WDR20: variants seen among roughly 807,000 people sequenced by gnomAD.
The protein encoded by WDR20 is WD repeat domain 20, also known as WD repeat-containing protein 20.
A neutral mutation model predicts 38.7 loss-of-function variants in WDR20; 3 were observed. The ratio of observed to expected loss-of-function variants is 0.08; its 90% CI spans 0.04 to 0.20. WDR20 has a LOEUF of 0.20. Among genes scored for constraint, WDR20 ranks in the 10% least tolerant of loss-of-function variants. The pLI is 1.00. For synonymous variants in WDR20, 298 were observed against 285.6 expected, an observed-to-expected ratio of 1.04 and a Z score of -0.44; for missense variants, 559 against 727.7, an observed-to-expected ratio of 0.77 and a Z score of 2.67.
chr14:102,186,587 C>A (rs1393900027), intron 1 of WDR20, among the ~76,000 whole-genome samples: 1 of 152,008 alleles, frequency 6.6e-6, no homozygotes, highest in African/African-American at 2.4e-5. Context: ...TGTGGTCCAG[C>A]CCCAGGCCCT....
At chr14:102,158,279 C>A (rs2152756464) in intron 1 of WDR20, among the ~76,000 whole-genome samples, 1 of 152,242 alleles carries the variant, frequency 6.6e-6, no homozygotes, top group South Asian at 2.1e-4. Flanking sequence ...TTGCACCACA[C>A]TGACCCCACC....
intron 1 of WDR20, among the ~76,000 whole-genome samples, chr14:102,177,734 G>A (rs1002957): frequency 3.3e-5 from 5 of 152,154 alleles, no homozygotes; most frequent in African/African-American, 1.2e-4. Context: ...TCAGGCTTCC[G>A]CAGTTATCTA....
intron 1 of WDR20, among the ~76,000 whole-genome samples, chr14:102,188,007 G>A (rs577127669): frequency 2.0e-5 from 3 of 152,282 alleles, no homozygotes; most frequent in South Asian, 2.1e-4. Context: ...CTGCAAGACC[G>A]GTTCTCTCTT....
At chr14:102,183,133 A>G (rs1298245454) in intron 1 of WDR20, among the ~76,000 whole-genome samples, 1 of 152,212 alleles carries the variant, frequency 6.6e-6, no homozygotes, top group Non-Finnish European at 1.5e-5. Flanking sequence ...TTCGACATAT[A>G]TGACAAATGA....
At chr14:102,172,639 C>A (rs1213083916) in intron 1 of WDR20, among the ~76,000 whole-genome samples, 2 of 146,210 alleles carry the variant, frequency 1.4e-5, no homozygotes, top group African/African-American at 2.5e-5. Context: ...ACCTCCCGGA[C>A]GGGGCGGCTG....
At position 102,220,324 on chromosome 14, in the gene WDR20, A is replaced by G. The variant is rs2063741833; in HGVS notation, c.1693-2506A>G. Among the ~76,000 whole-genome samples, 1 of 152,218 alleles carries G rather than the reference A, an allele frequency of 6.6e-6. No homozygotes were observed. The highest frequency in any genetic ancestry group is 6.5e-5 in the Admixed American group (1 of 15,290). ...AAATTGGGGCCAGTCCAACCTGAAA[A>G]GTGCCATAACGTGTCAACCACACAG... On this transcript the variant is annotated intron_variant, in intron 3 of 3. Transcript: ENST00000335263. This position sits in a 1 kb window ranked among gnomAD's most constrained non-coding sequence, Gnocchi z 4.2.
At chr14:102,148,669 T>TTGTGTG (rs10525828) in intron 1 of WDR20, among the ~76,000 whole-genome samples, 2,462 of 144,878 alleles carry the variant, frequency 0.017, 53 homozygotes, top group African/African-American at 0.037. Flanking sequence ...GAGTTTGGCT[T>TTGTGTG]TGTGTGTGTG....
rs1229431061 is a variant in WDR20, at chr14:102,207,915, C to T, written c.433-688C>T. On this transcript the variant is annotated intron_variant, in intron 2 of 2. Transcript: ENST00000342702. This position sits in a 1 kb window ranked among gnomAD's most constrained non-coding sequence, Gnocchi z 5.0. ...ATGAGACACACACTCCCGAATGAAT[C>T]GTCAGTGTATCTCTCTCAACACCAG... 6.6e-6 allele frequency among the ~76,000 whole-genome samples: 1 copy of T among 152,164 alleles called. No individual in the cohort carries two copies. Among genetic ancestry groups the T allele is most frequent in the Non-Finnish European group, 1.5e-5 (1 of 68,034 alleles).
chr14:102,140,512 G>T (rs928972422), intron 1 of WDR20, among the ~76,000 whole-genome samples: 2 of 152,188 alleles, frequency 1.3e-5, no homozygotes, highest in African/African-American at 4.8e-5. Context: ...GAAGAGGTGA[G>T]GTGGCCGTCT....
chr14:102,214,532 C>T (rs536090833), downstream of WDR20: 59 of 985,426 alleles, frequency 6.0e-5, no homozygotes, highest in Admixed American at 8.0e-4. Flanking sequence ...ATCTGTTACA[C>T]GAACTTCGTG....
intron 1 of WDR20, among the ~76,000 whole-genome samples, chr14:102,147,799 T>G (rs1158005673): frequency 6.6e-6 from 1 of 152,190 alleles, no homozygotes; most frequent in African/African-American, 2.4e-5. Context: ...GGCATGATCT[T>G]GGTTCACTGC....
chr14:102,209,585 G>A lies in WDR20; in HGVS notation c.1415G>A (p.Arg472Lys), dbSNP rs1418645905. 3 of 1,614,060 alleles carry A rather than the reference G, an allele frequency of 1.9e-6. No homozygotes were observed. The highest frequency in any genetic ancestry group is 2.5e-6 in the Non-Finnish European group (3 of 1,180,052). Reference sequence around the variant, plus strand: ...CTTTCACTACATGACCGGAAGGAGAGGCACCACGAGAAAGATCACAAGCGA... The same window carrying A: ...CTTTCACTACATGACCGGAAGGAGAAGCACCACGAGAAAGATCACAAGCGA... ...ATLSLHDRKE[R>K]HHEKDHKRNH... Residue 472 changes from arginine to lysine, a missense_variant, in exon 3 of 3, where the codon AGG becomes AAG. Transcript: ENST00000342702. This position sits in a 1 kb window ranked among gnomAD's most constrained non-coding sequence, Gnocchi z 6.0.
In WDR20 at chr14:102,197,307, G is replaced by A. The variant is rs189526812; in HGVS notation, c.432+2187G>A. ...TGCCCTTCCGGGAGCTCACAGTTTA[G>A]TAAGAATGGACAGAGAGTACTGGGC... On this transcript the variant is annotated intron_variant, in intron 2 of 2. Coordinates refer to ENST00000342702, the MANE Select transcript of WDR20 (RefSeq NM_144574.4). Among the ~76,000 whole-genome samples the A allele has an allele frequency of 2.7e-4, 41 of 152,312 alleles. No homozygotes were observed. The East Asian group carries it at 7.3e-3, about 27-fold the overall frequency.
chr14:102,197,562 T>TA (rs1333335256), intron 2 of WDR20, among the ~76,000 whole-genome samples: 4 of 152,162 alleles, frequency 2.6e-5, no homozygotes, highest in Admixed American at 2.6e-4. Context: ...GAACATCCAG[T>TA]AACAGCTTGG....
chr14:102,143,021 G>T (rs2052044856), intron 1 of WDR20, among the ~76,000 whole-genome samples: 1 of 152,072 alleles, frequency 6.6e-6, no homozygotes, highest in Non-Finnish European at 1.5e-5. Context: ...GCTGAGGAGT[G>T]CAATCTTGAT....
intron 1 of WDR20, among the ~76,000 whole-genome samples, chr14:102,176,357 T>G (rs948268880): frequency 6.6e-6 from 1 of 151,522 alleles, no homozygotes; most frequent in African/African-American, 2.4e-5. Flanking sequence ...ATCGCGCCAC[T>G]GTACTCCAGC....
At chr14:102,146,441 G>T (rs1257764815) in intron 1 of WDR20, among the ~76,000 whole-genome samples, 2 of 152,130 alleles carry the variant, frequency 1.3e-5, no homozygotes, top group African/African-American at 4.8e-5. Context: ...GGGATTACAG[G>T]TGTGAATCAC....
downstream of WDR20, among the ~76,000 whole-genome samples, chr14:102,224,004 A>AC (rs1354852309): frequency 7.3e-5 from 11 of 151,382 alleles, no homozygotes; most frequent in Non-Finnish European, 1.5e-5. Context: ...TGAACATGGG[A>AC]CATGAACTAG....
At chr14:102,218,517 C>T (rs1360845444), downstream of WDR20, among the ~76,000 whole-genome samples, 1 of 152,248 alleles carries the variant, frequency 6.6e-6, no homozygotes, top group Non-Finnish European at 1.5e-5. Context: ...AGGAACATGG[C>T]CTTGCTGCTT....
Sources: gnomAD v4.1 joint callset for allele counts (sites outside exome capture counted in the v4.1 genomes callset) on GRCh38, gnomAD v4.1.1 for gene constraint, Gnocchi (gnomAD v3.1) non-coding constraint, MANE v1.5 for transcripts, NCBI Gene and HGNC (gene_info 2026-07-23, HGNC 2026-07-21) for gene names.